FBXO38: variants seen among roughly 807,000 people sequenced by gnomAD.
FBXO38 encodes the protein F-box protein 38, also known as F-box only protein 38.
In FBXO38, 53 loss-of-function variants were observed where a neutral mutation model predicts 131.9. That is an observed-to-expected ratio of 0.40 (90% CI 0.32 to 0.51). FBXO38 has a LOEUF of 0.51. FBXO38 is among the 20% of genes least tolerant of loss of function. The pLI, the probability that FBXO38 is intolerant of heterozygous loss-of-function variation, is 0.53. For missense variants in FBXO38, 1,076 were observed against 1,475.6 expected (o/e 0.73, Z 4.44); for synonymous variants, 452 against 505.6 (o/e 0.89, Z 1.42).
chr5:148,395,145 T>C (rs570572677), intron 2 of FBXO38, among the ~76,000 whole-genome samples: 2 of 152,200 alleles, frequency 1.3e-5, no homozygotes, highest in Non-Finnish European at 2.9e-5. Flanking sequence ...TTGTCACATA[T>C]AGTTCTGTTG....
intron 13 of FBXO38, 148 bp downstream of exon 13, chr5:148,424,265 G>A: frequency 1.3e-6 from 1 of 789,244 alleles, no homozygotes; most frequent in Non-Finnish European, 1.9e-6. Context: ...GTAATACATT[G>A]CTGGTATTCT....
At chr5:148,388,575 C>A (rs1256505239) in intron 1 of FBXO38, among the ~76,000 whole-genome samples, 7 of 152,230 alleles carry the variant, frequency 4.6e-5, no homozygotes, top group African/African-American at 1.7e-4. Flanking sequence ...TCACCTTGTG[C>A]TTTTCCGCTA....
At chr5:148,432,003 A>T (rs13174567) in intron 15 of FBXO38, among the ~76,000 whole-genome samples, 38,164 of 152,114 alleles carry the variant, frequency 0.25, 4,838 homozygotes, top group South Asian at 0.29. Flanking sequence ...TAAATCTCTG[A>T]AGTTCCCATC....
intron 15 of FBXO38, among the ~76,000 whole-genome samples, chr5:148,431,627 G>GA (rs2113642737): frequency 6.6e-6 from 1 of 152,344 alleles, no homozygotes; most frequent in East Asian, 1.9e-4. Context: ...GTGGTACTGG[G>GA]AGAGGGAACC....
chr5:148,389,419 G>A (rs1184133567), intron 1 of FBXO38, among the ~76,000 whole-genome samples: 2 of 152,144 alleles, frequency 1.3e-5, no homozygotes, highest in East Asian at 3.9e-4. Flanking sequence ...TCACAATTAA[G>A]GTATACCTGT....
intron 5 of FBXO38, 134 bp downstream of exon 5, chr5:148,402,647 T>G: frequency 1.3e-6 from 1 of 790,120 alleles, no homozygotes; most frequent in South Asian, 2.4e-5. Context: ...GTTTGCAAGA[T>G]CTGTATAAAA....
At position 148,433,662 on chromosome 5, in the gene FBXO38, G is replaced by A; in HGVS notation, c.2782G>A (p.Val928Ile). The change falls in exon 17 of 22, where the codon GTT (valine) becomes ATT (isoleucine). Residue 928 changes from valine to isoleucine, a missense_variant. Around this residue, in one of 8 missense-constraint regions of FBXO38, gnomAD observed 282 missense variants for 418.8 expected, o/e 0.67. Transcript: ENST00000340253. Reference sequence around the variant, plus strand: ...TCTTGTATTAAAATCCAAGAATCTTGTTGGAGTCACTATGACCAATTGTGG... The same window carrying A: ...TCTTGTATTAAAATCCAAGAATCTTATTGGAGTCACTATGACCAATTGTGG... Reference protein sequence around the residue: ...QVLVLKSKNLVGVTMTNCGIT... With the variant: ...QVLVLKSKNLIGVTMTNCGIT... The A allele has an allele frequency of 6.2e-7, 1 of 1,607,724 alleles. No individual in the cohort carries two copies. Among genetic ancestry groups the A allele is most frequent in the East Asian group, 2.2e-5 (1 of 44,820 alleles).
chr5:148,387,641 A>G (rs1757981416), intron 1 of FBXO38, among the ~76,000 whole-genome samples: 1 of 151,524 alleles, frequency 6.6e-6, no homozygotes, highest in Non-Finnish European at 1.5e-5. Flanking sequence ...GCCCATATCC[A>G]TCAGAGGAAT....
intron 8 of FBXO38, 132 bp from the exon 9 acceptor site, chr5:148,410,501 CCT>C (rs1752687606): frequency 9.0e-7 from 1 of 1,108,394 alleles, no homozygotes; most frequent in Admixed American, 2.5e-5. Context: ...TCCATTAAAA[CCT>C]CTTTTTCTTC....
chr5:148,413,725 T>G (rs1412501530), intron 9 of FBXO38: 1 of 154,728 alleles, frequency 6.5e-6, no homozygotes, highest in African/African-American at 2.4e-5. Context: ...TCTCTACACA[T>G]GTCCACACTG....
intron 9 of FBXO38, among the ~76,000 whole-genome samples, chr5:148,412,903 T>A (rs574013732): frequency 7.2e-5 from 11 of 151,992 alleles, no homozygotes; most frequent in Non-Finnish European, 1.6e-4. Context: ...AGTAATATCA[T>A]CAGGATTTTG....
chr5:148,396,400 T>C (rs1758480463), intron 2 of FBXO38, among the ~76,000 whole-genome samples: 1 of 152,160 alleles, frequency 6.6e-6, no homozygotes, highest in African/African-American at 2.4e-5. Flanking sequence ...GACAAGGTTG[T>C]ATTCACATCA....
At chr5:148,414,418 C>A in intron 10 of FBXO38, 112 bp downstream of exon 10, 2 of 1,006,548 alleles carry the variant, frequency 2.0e-6, no homozygotes, top group Non-Finnish European at 2.8e-6. Context: ...GTAGGTATTT[C>A]ATTTGGATTG....
rs745752904 is a variant in FBXO38 at position 148,433,428 on chromosome 5, A to G, written c.2658A>G (p.Val886=). ...CTTTTTTTTTGCCTTTTTTAGAAGTAGCCAAAACAAAGCCACGTCACGCCA... is the reference window on the plus strand; with the variant it reads ...CTTTTTTTTTGCCTTTTTTAGAAGTGGCCAAAACAAAGCCACGTCACGCCA... ...SHVLLVSESE[V]AKTKPRHAMK... is the part of the protein sequence containing the mutation. Residue 886 remains valine (V), a synonymous_variant, in exon 16 of 22, where the codon GTA becomes GTG. Coordinates refer to ENST00000340253, the MANE Select transcript of FBXO38 (RefSeq NM_205836.3). 6.2e-7 allele frequency: 1 copy of G among 1,610,684 alleles called. No individual in the cohort carries two copies. The highest frequency in any genetic ancestry group is 2.2e-5 in the East Asian group (1 of 44,862).
intron 12 of FBXO38, among the ~76,000 whole-genome samples, chr5:148,423,216 A>C (rs1753539885): frequency 6.6e-6 from 1 of 152,154 alleles, no homozygotes; most frequent in South Asian, 2.1e-4. Flanking sequence ...CTTTAAGAGC[A>C]AGGAGTATAA....
intron 7 of FBXO38, among the ~76,000 whole-genome samples, chr5:148,408,123 G>C (rs145808395): frequency 6.6e-6 from 1 of 152,102 alleles, no homozygotes; most frequent in Non-Finnish European, 1.5e-5. Context: ...ATGAAAAAAC[G>C]ATAAAAGTTT....
At chr5:148,424,218 C>A in intron 13 of FBXO38, 101 bp downstream of exon 13, 2 of 1,150,978 alleles carry the variant, frequency 1.7e-6, no homozygotes, top group Admixed American at 2.3e-5. Context: ...GACCTTTCAG[C>A]TAATGATACG....
At chr5:148,406,474 G>A (rs1164530147) in intron 7 of FBXO38, 80 bp downstream of exon 7, 10 of 1,198,816 alleles carry the variant, frequency 8.3e-6, no homozygotes, top group African/African-American at 4.8e-5. Flanking sequence ...AACTTCCCTG[G>A]CAAGTCTTTA....
intron 12 of FBXO38, among the ~76,000 whole-genome samples, chr5:148,420,635 C>T (rs182074019): frequency 1.3e-5 from 2 of 152,210 alleles, no homozygotes; most frequent in East Asian, 1.9e-4. Flanking sequence ...TTAAATACAG[C>T]GTCATTCCCT....
Sources: gnomAD v4.1 joint callset for allele counts (sites outside exome capture counted in the v4.1 genomes callset) on GRCh38, gnomAD v4.1.1 for gene constraint, gnomAD v4.1.1 regional missense constraint, MANE v1.5 for transcripts, NCBI Gene and HGNC (gene_info 2026-07-23, HGNC 2026-07-21) for gene names.